Variants in BCCIP observed in about 807,000 individuals in gnomAD.
The protein encoded by BCCIP is BRCA2 and CDKN1A interacting protein, also known as BRCA2 and CDKN1A-interacting protein.
In BCCIP, 23 loss-of-function variants were observed where a neutral mutation model predicts 32.8. That is an observed-to-expected ratio of 0.70 (90% CI 0.51 to 0.99). BCCIP has a LOEUF of 0.99. Ranked by LOEUF, BCCIP falls within the 50% of genes least tolerant of loss-of-function variation. The probability of loss-of-function intolerance (pLI) is 0.00; values close to 1 mark genes in which losing one functional copy is unlikely to be tolerated. For synonymous variants in BCCIP, 144 were observed against 137.6 expected, an observed-to-expected ratio of 1.05 and a Z score of -0.33; for missense variants, 378 against 379.8, an observed-to-expected ratio of 1.00 and a Z score of 0.04.
rs766279198 is a variant in BCCIP, at chr10:125,831,372, C to G, written c.412-48C>G. On this transcript the variant is annotated intron_variant, in intron 4 of 6. Coordinates refer to ENST00000278100, the MANE Select transcript of BCCIP (RefSeq NM_078468.3). Reference sequence around the variant, plus strand: ...AGCTTTTACTCTCAGGTTTTGTCCTCTATGTGATGGCTTGTAATAGGAAAC... The same window carrying G: ...AGCTTTTACTCTCAGGTTTTGTCCTGTATGTGATGGCTTGTAATAGGAAAC... 4.4e-6 allele frequency: 7 copies of G among 1,573,120 alleles called. No homozygotes were observed. The African/African-American group carries it at 8.2e-5, about 18-fold the overall frequency.
exon 7 of BCCIP, chr10:125,841,620 T>C: frequency 6.8e-7 from 1 of 1,471,642 alleles, no homozygotes; most frequent in Admixed American, 2.9e-5. Flanking sequence ...TTTCAAAAGG[T>C]TAAATGAGTT....
intron 7 of BCCIP, among the ~76,000 whole-genome samples, chr10:125,848,415 T>A (rs900606819): frequency 6.6e-6 from 1 of 152,230 alleles, no homozygotes; most frequent in Non-Finnish European, 1.5e-5. Context: ...GGGCAGACAC[T>A]CTACCCTAAT....
chr10:125,824,412 C>T (rs917137808), intron 1 of BCCIP, among the ~76,000 whole-genome samples: 2 of 152,232 alleles, frequency 1.3e-5, no homozygotes, highest in African/African-American at 2.4e-5. Flanking sequence ...ATAGATACCT[C>T]AGCCTTAACT....
At position 125,833,870 on chromosome 10, in the gene BCCIP, A is replaced by G. The variant is rs7478486; in HGVS notation, c.698A>G (p.Asn233Ser). The G allele has an allele frequency of 1.2e-6, 2 of 1,614,268 alleles. No homozygotes were observed. The highest frequency in any genetic ancestry group is 1.3e-5 in the African/African-American group (1 of 75,066). Residue 233 changes from asparagine to serine, a missense_variant, in exon 6 of 7, where the codon AAT (asparagine) becomes AGT (serine). Transcript: ENST00000278100. ...ACATTTGTGGAAGCAGGAAAAAACA[A>G]TTCCAAAAAGAAACCTAGCAACAAA... ...SKTFVEAGKNNSKKKPSNKKK... is the reference protein window; with the variant it reads ...SKTFVEAGKNSSKKKPSNKKK...
downstream of BCCIP, chr10:125,839,277 T>G: frequency 7.4e-7 from 1 of 1,353,712 alleles, no homozygotes; most frequent in Non-Finnish European, 1.0e-6. Flanking sequence ...CTTTAAGCCC[T>G]GTGCTCTCCT....
exon 8 of BCCIP, chr10:125,853,307 A>C: frequency 2.2e-6 from 2 of 912,596 alleles, no homozygotes; most frequent in Non-Finnish European, 3.2e-6. Flanking sequence ...GGCACCTAGT[A>C]ATGGTAAATT....
intron 7 of BCCIP, among the ~76,000 whole-genome samples, chr10:125,849,467 G>C (rs963419878): frequency 6.6e-6 from 1 of 152,160 alleles, no homozygotes; most frequent in African/African-American, 2.4e-5. Flanking sequence ...GCATGTTTGC[G>C]TCTCTTTTTC....
intron 6 of BCCIP, among the ~76,000 whole-genome samples, chr10:125,834,825 C>CAAAAA (rs1439205869): frequency 6.6e-5 from 5 of 75,656 alleles, no homozygotes; most frequent in Non-Finnish European, 1.2e-4. Flanking sequence ...AACAAACAAA[C>CAAAAA]AAACAAAAAA....
At chr10:125,842,585 G>A (rs1467094407) in exon 7 of BCCIP, 1 of 152,718 alleles carries the variant, frequency 6.5e-6, no homozygotes, top group East Asian at 1.9e-4. Flanking sequence ...CTGCATCCTA[G>A]GACAAAGCTC....
downstream of BCCIP, chr10:125,838,166 TAAAAA>T: frequency 2.2e-6 from 3 of 1,350,430 alleles, no homozygotes; most frequent in African/African-American, 4.5e-5. Flanking sequence ...AGGTATGAAT[TAAAAA>T]AAAAATACAA....
chr10:125,834,295 G>T (rs1429204663), intron 6 of BCCIP, among the ~76,000 whole-genome samples: 1 of 152,218 alleles, frequency 6.6e-6, no homozygotes, highest in Non-Finnish European at 1.5e-5. Flanking sequence ...GTTTACAGAT[G>T]TGGACTTTAA....
chr10:125,831,427 A>C lies in BCCIP; in HGVS notation c.419A>C (p.Gln140Pro). 1 of 1,613,606 alleles carries C rather than the reference A, an allele frequency of 6.2e-7. No individual in the cohort carries two copies. Among genetic ancestry groups the C allele is most frequent in the Non-Finnish European group, 8.5e-7 (1 of 1,179,608 alleles). ...LLNLTERKGTQCVEQIQELVL... is the reference protein window; with the variant it reads ...LLNLTERKGTPCVEQIQELVL... ...TTTCTCTTTGCTTTCTAGGGTACCC[A>C]GTGTGTTGAACAAATTCAAGAGTTG... is the stretch of plus-strand genomic sequence containing the variant. Residue 140 changes from glutamine (Q) to proline (P), a missense_variant, in exon 5 of 7, where the codon CAG becomes CCG. Coordinates refer to ENST00000278100, the MANE Select transcript of BCCIP (RefSeq NM_078468.3).
At chr10:125,853,088 A>AC (rs778211438) in intron 7 of BCCIP, 19 of 1,452,380 alleles carry the variant, frequency 1.3e-5, no homozygotes, top group African/African-American at 2.8e-5. Context: ...GCTAATACAG[A>AC]AACTGCGTAT....
At chr10:125,841,431 A>G, downstream of BCCIP, 1 of 1,573,730 alleles carries the variant, frequency 6.4e-7, no homozygotes. Context: ...TTATTTGGGG[A>G]AAAACACCTC....
exon 7 of BCCIP, chr10:125,842,083 GAAGGAT>G: frequency 9.6e-7 from 1 of 1,039,662 alleles, no homozygotes; most frequent in South Asian, 2.0e-5. Context: ...ACCAGGGAGT[GAAGGAT>G]AGTGATTCTT....
chr10:125,840,256 G>A (rs1367097501), downstream of BCCIP, among the ~76,000 whole-genome samples: 1 of 152,214 alleles, frequency 6.6e-6, no homozygotes, highest in Non-Finnish European at 1.5e-5. Flanking sequence ...TCCTGTGACA[G>A]GTAAGCTACC....
rs748541630 is a variant in BCCIP at position 125,836,149 on chromosome 10, A to G, written c.820A>G (p.Thr274Ala). The G allele has an allele frequency of 6.2e-7, 1 of 1,614,116 alleles. No homozygotes were observed. Among genetic ancestry groups the G allele is most frequent in the African/African-American group, 1.3e-5 (1 of 74,954 alleles). Residue 274 changes from threonine to alanine, a missense_variant, in exon 7 of 7, where the codon ACT becomes GCT. Physicochemically the swap from Thr to Ala is moderately conservative, Grantham distance 58 (BLOSUM62 0). Coordinates refer to ENST00000278100, the MANE Select transcript of BCCIP (RefSeq NM_078468.3). Reference protein sequence around the residue: ...FNYSVQEESDTCLGGKWSFDD... With the variant: ...FNYSVQEESDACLGGKWSFDD... The stretch of plus-strand genomic sequence containing the variant: ...CTACTCAGTGCAGGAGGAGAGCGAC[A>G]CTTGTCTGGGAGGCAAATGGTCTTT...
In BCCIP at chr10:125,827,650, A is replaced by G; in HGVS notation, c.321+12A>G. 4.5e-6 allele frequency: 7 copies of G among 1,567,628 alleles called. No homozygotes were observed. The highest frequency in any genetic ancestry group is 6.1e-6 in the Non-Finnish European group (7 of 1,138,350). ...GGAGTGTGATTAAGGTAAGTAGGAT[A>G]ATTGTGTTTATTCTGATTAAATGAG... On this transcript the variant is annotated intron_variant, in intron 3 of 6. Transcript: ENST00000278100.
At chr10:125,823,744 A>T (rs764622803) in intron 1 of BCCIP, 22 bp downstream of exon 1, 2 of 1,613,216 alleles carry the variant, frequency 1.2e-6, no homozygotes, top group South Asian at 1.1e-5. Context: ...ACGCTCCCCT[A>T]GTTGGTTTAT....
Sources: gnomAD v4.1 joint callset for allele counts (sites outside exome capture counted in the v4.1 genomes callset) on GRCh38, gnomAD v4.1.1 for gene constraint, MANE v1.5 for transcripts, NCBI Gene and HGNC (gene_info 2026-07-23, HGNC 2026-07-21) for gene names.